Variants in ZMYND8 observed in about 807,000 individuals in gnomAD.
The protein encoded by ZMYND8 is zinc finger MYND-type containing 8, also known as MYND-type zinc finger-containing chromatin reader ZMYND8.
ZMYND8 carries 37 observed loss-of-function variants against 140.8 expected under a neutral mutation model. The ratio of observed to expected loss-of-function variants is 0.26; its 90% confidence interval spans 0.20 to 0.35. The LOEUF (loss-of-function observed/expected upper bound fraction) is 0.35. ZMYND8 is among the 10% of genes least tolerant of loss of function. The probability of loss-of-function intolerance (pLI) is 1.00; values close to 1 mark genes in which losing one functional copy is unlikely to be tolerated. For synonymous variants in ZMYND8, 592 were observed against 597.1 expected, an observed-to-expected ratio of 0.99 and a Z score of 0.12; for missense variants, 1,068 against 1,570.0, an observed-to-expected ratio of 0.68 and a Z score of 5.40.
intron 11 of ZMYND8, among the ~76,000 whole-genome samples, chr20:47,272,088 T>G (rs2075986215): frequency 6.6e-6 from 1 of 151,852 alleles, no homozygotes; most frequent in African/African-American, 2.4e-5. Flanking sequence ...ACCTCTTTTT[T>G]TTTCTTTGAG....
chr20:47,255,751 TATATATATATATAC>T (rs1345854974), intron 12 of ZMYND8, among the ~76,000 whole-genome samples: 14 of 106,232 alleles, frequency 1.3e-4, no homozygotes, highest in African/African-American at 6.8e-4. Context: ...TATATATATA[TATATATATATATAC>T]GGTATATATA....
chr20:47,245,405 C>A (rs780239641), intron 14 of ZMYND8, among the ~76,000 whole-genome samples: 1 of 152,162 alleles, frequency 6.6e-6, no homozygotes. Flanking sequence ...TGCTACCACG[C>A]CCCGCTAATT....
At position 47,347,938 on chromosome 20, in the gene ZMYND8, C is replaced by CA. The variant is rs1324424374; in HGVS notation, c.15-13dup. The CA allele has an allele frequency of 1.2e-6, 2 of 1,613,484 alleles. No homozygotes were observed. Among genetic ancestry groups the CA allele is most frequent in the Admixed American group, 3.3e-5 (2 of 60,020 alleles). ...CCTCTTCAGCCAAGCTGAAACAGAG[C>CA]AAATTATGTTCATGTTTAGGAAGGC... On this transcript the variant is annotated splice_polypyrimidine_tract_variant and intron_variant, in intron 1 of 22. Coordinates refer to ENST00000471951, the MANE Select transcript of ZMYND8 (RefSeq NM_001281775.3).
intron 12 of ZMYND8, 117 bp downstream of exon 12, chr20:47,262,171 A>AT: frequency 6.9e-7 from 1 of 1,458,198 alleles, no homozygotes; most frequent in Admixed American, 1.9e-5. Context: ...AAACTTTTGC[A>AT]TTTTTTGCAT....
chr20:47,293,620 T>C (rs917811867), intron 5 of ZMYND8, among the ~76,000 whole-genome samples: 2 of 152,230 alleles, frequency 1.3e-5, no homozygotes, highest in Non-Finnish European at 2.9e-5. Context: ...TGTGTTGTGC[T>C]CAGCTTCCTC....
chr20:47,291,868 G>T lies in ZMYND8; in HGVS notation c.588C>A (p.Pro196=). ...KQPGTDAFQK[P]VPLEQHPDYA... is the part of the protein sequence containing the mutation. Reference sequence around the variant, plus strand: ...AGTCAGGGTGCTGTTCCAATGGAACGGGCTTCTGGAATGCATCTGTCTATA... The same window carrying T: ...AGTCAGGGTGCTGTTCCAATGGAACTGGCTTCTGGAATGCATCTGTCTATA... Residue 196 remains proline (P), a synonymous_variant, in exon 6 of 23, where the codon CCC becomes CCA. Transcript: ENST00000471951. 6.2e-7 allele frequency: 1 copy of T among 1,612,788 alleles called. No individual in the cohort carries two copies. The highest frequency in any genetic ancestry group is 1.7e-4 in the Middle Eastern group (1 of 5,996).
intron 16 of ZMYND8, among the ~76,000 whole-genome samples, chr20:47,232,217 C>G (rs2038592386): frequency 6.6e-6 from 1 of 152,170 alleles, no homozygotes; most frequent in South Asian, 2.1e-4. Context: ...ACCAAAAATA[C>G]AAAAATTAGC....
chr20:47,260,331 A>G (rs1444683429), intron 12 of ZMYND8, among the ~76,000 whole-genome samples: 1 of 151,868 alleles, frequency 6.6e-6, no homozygotes, highest in Non-Finnish European at 1.5e-5. Flanking sequence ...GTCCATTCAC[A>G]TCCCTCCTGC....
rs1265717720 is a variant in ZMYND8 at position 47,255,761 on chromosome 20, TATAC to T, written c.1622-6326_1622-6323del. Among the ~76,000 whole-genome samples the T allele has an allele frequency of 2.4e-3, 236 of 98,228 alleles. 2 individuals carry two copies. The highest frequency in any genetic ancestry group is 7.4e-3 in the African/African-American group (142 of 19,122). 64.4% of individuals were successfully genotyped at this position (98,228 alleles called of 152,430 possible). ...ATATATATATATATATATATATATATATACGGTATATATATATATTTGTATGTGT... is the reference window on the plus strand; with the variant it reads ...ATATATATATATATATATATATATATGGTATATATATATATTTGTATGTGT... On this transcript the variant is annotated intron_variant, in intron 12 of 22. Transcript: ENST00000471951.
At chr20:47,343,394 A>G (rs756677271) in intron 2 of ZMYND8, among the ~76,000 whole-genome samples, 1 of 152,236 alleles carries the variant, frequency 6.6e-6, no homozygotes, top group Admixed American at 6.5e-5. Flanking sequence ...AATAAAATAA[A>G]TAAGTAGTAT....
At chr20:47,294,268 C>G (rs942848170) in intron 5 of ZMYND8, among the ~76,000 whole-genome samples, 1 of 152,036 alleles carries the variant, frequency 6.6e-6, no homozygotes, top group Non-Finnish European at 1.5e-5. Flanking sequence ...ACGAGAATCA[C>G]TTGAACCTGG....
rs2077277607 is a variant in ZMYND8 at position 47,291,738 on chromosome 20, G to A, written c.660+58C>T. ...TGATAGAGCATAGGCAGTGAGGGAA[G>A]AGCCTTAGGCATCTCAACTGTGGGC... On this transcript the variant is annotated intron_variant, in intron 6 of 22. Transcript: ENST00000471951. The A allele has an allele frequency of 5.8e-6, 8 of 1,374,910 alleles. No individual in the cohort carries two copies. In the Admixed American group the frequency reaches 1.7e-4, roughly 29 times the overall value. The allele number at this position is 1,374,910 out of a possible 1,614,324, so 85.2% of individuals were successfully genotyped here.
intron 10 of ZMYND8, among the ~76,000 whole-genome samples, chr20:47,280,749 T>G (rs190856155): frequency 6.6e-6 from 1 of 152,258 alleles, no homozygotes; most frequent in East Asian, 1.9e-4. Flanking sequence ...GTACAGCCTG[T>G]CACCAATTCC....
intron 11 of ZMYND8, among the ~76,000 whole-genome samples, chr20:47,266,276 G>C (rs572314489): frequency 1.4e-5 from 2 of 142,340 alleles, no homozygotes; most frequent in East Asian, 2.4e-4. Flanking sequence ...TTTGTTTTTG[G>C]GGGGGAGGGG....
chr20:47,268,861 C>A (rs1413201161), intron 11 of ZMYND8, among the ~76,000 whole-genome samples: 1 of 152,116 alleles, frequency 6.6e-6, no homozygotes, highest in African/African-American at 2.4e-5. Context: ...TATACACCTA[C>A]TAAACACAAG....
rs376253417 is a variant in ZMYND8 at position 47,221,519 on chromosome 20, C to T, written c.3257-45G>A. On this transcript the variant is annotated intron_variant, in intron 19 of 22. Transcript: ENST00000471951. ...AGAGACGCCACATATACACAGAGTA[C>T]GATGATTTTGAAACATGCATGGAGC... 3.3e-4 allele frequency: 525 copies of T among 1,592,730 alleles called. 1 individual carries two copies. Among genetic ancestry groups the T allele is most frequent in the Non-Finnish European group, 4.3e-4 (502 of 1,169,176 alleles).
intron 14 of ZMYND8, among the ~76,000 whole-genome samples, chr20:47,244,638 T>C (rs765533975): frequency 2.6e-5 from 4 of 152,258 alleles, no homozygotes; most frequent in Non-Finnish European, 5.9e-5. Context: ...GGTTGCCATC[T>C]GGCTGGTAGA....
chr20:47,282,239 C>G, intron 9 of ZMYND8, 22 bp from the exon 10 acceptor site: 2 of 1,603,644 alleles, frequency 1.2e-6, no homozygotes, highest in Non-Finnish European at 8.5e-7. Context: ...AAAACAAGAT[C>G]CAGAGTTTGT....
chr20:47,349,884 A>T, intron 1 of ZMYND8: 7 of 1,535,662 alleles, frequency 4.6e-6, no homozygotes, highest in Non-Finnish European at 6.1e-6. Flanking sequence ...GCAGCGATGA[A>T]AACATTCAAA....
Sources: gnomAD v4.1 joint callset for allele counts (sites outside exome capture counted in the v4.1 genomes callset) on GRCh38, gnomAD v4.1.1 for gene constraint, MANE v1.5 for transcripts, NCBI Gene and HGNC (gene_info 2026-07-23, HGNC 2026-07-21) for gene names.